LSS: variants seen among roughly 807,000 people sequenced by gnomAD.
LSS encodes 2,3-epoxysqualene-lanosterol cyclase.
Under a neutral mutation model 110.3 loss-of-function variants are expected in LSS, and 90 were observed. The ratio of observed to expected loss-of-function variants is 0.82; its 90% confidence interval spans 0.69 to 0.97. The LOEUF is 0.97. Ranked by LOEUF, LSS falls within the 50% of genes least tolerant of loss-of-function variation. The pLI is 0.00. For missense variants in LSS, 927 were observed against 990.0 expected, an observed-to-expected ratio of 0.94 and a Z score of 0.85; for synonymous variants, 433 against 400.0, an observed-to-expected ratio of 1.08 and a Z score of -0.98.
rs981047467 is a variant in LSS at position 46,216,850 on chromosome 21, G to A, written c.648-326C>T. 2.0e-5 allele frequency among the ~76,000 whole-genome samples: 3 copies of A among 152,156 alleles called. No individual in the cohort carries two copies. The highest frequency in any genetic ancestry group is 4.1e-4 in the South Asian group (2 of 4,828). Reference sequence around the variant, plus strand: ...GGTAACATAAAACATCAACAATGGGGATATGGTGTGAGGGCCCCAGGGAAC... The same window carrying A: ...GGTAACATAAAACATCAACAATGGGAATATGGTGTGAGGGCCCCAGGGAAC... On this transcript the variant is annotated intron_variant, in intron 6 of 21. Transcript: ENST00000397728. This position sits in a 1 kb window ranked among gnomAD's most constrained non-coding sequence, Gnocchi z 4.2.
chr21:46,198,177 G>A (rs949576791), intron 17 of LSS, among the ~76,000 whole-genome samples: 2 of 151,772 alleles, frequency 1.3e-5, no homozygotes, highest in Admixed American at 6.6e-5. Context: ...TGAGACAGGA[G>A]GATTCCTTAA....
chr21:46,216,591 T>C lies in LSS; in HGVS notation c.648-67A>G. 2 of 1,471,506 alleles carry C rather than the reference T, an allele frequency of 1.4e-6. No homozygotes were observed. Among genetic ancestry groups the C allele is most frequent in the Non-Finnish European group, 1.8e-6 (2 of 1,105,942 alleles). The allele number at this position is 1,471,506 out of a possible 1,614,324, so 91.2% of individuals were successfully genotyped here. The stretch of plus-strand genomic sequence containing the variant: ...AGCCTGCCCCCTCCGCCAGCATCCA[T>C]ACCTTGGGCCCTTTCAAGCACGAAC... On this transcript the variant is annotated intron_variant, in intron 6 of 21. Transcript: ENST00000397728. This position sits in a 1 kb window ranked among gnomAD's most constrained non-coding sequence, Gnocchi z 4.2.
chr21:46,212,979 A>G, intron 11 of LSS, 46 bp downstream of exon 11: 1 of 1,611,280 alleles, frequency 6.2e-7, no homozygotes, highest in Non-Finnish European at 8.5e-7. Context: ...TAAAGGGGAG[A>G]CATGATTGCA....
rs772025714 is a variant in LSS, at chr21:46,189,343, C to T, written c.*1761G>A. 8.7e-5 allele frequency: 25 copies of T among 287,288 alleles called. No individual in the cohort carries two copies. Among genetic ancestry groups the T allele is most frequent in the East Asian group, 2.2e-4 (2 of 9,182 alleles). The allele number at this position is 287,288 out of a possible 1,614,324, so 17.8% of individuals were successfully genotyped here. On this transcript the variant is annotated 3_prime_UTR_variant, in exon 22 of 22. Transcript: ENST00000397728. ...CTGCTACCCCACGTGGGGGAGAACACGTGGGCTGAGAAAAAAAAACAGCAT... is the reference window on the plus strand; with the variant it reads ...CTGCTACCCCACGTGGGGGAGAACATGTGGGCTGAGAAAAAAAAACAGCAT...
intron 17 of LSS, among the ~76,000 whole-genome samples, chr21:46,202,714 A>C (rs2079995128): frequency 6.6e-6 from 1 of 152,030 alleles, no homozygotes; most frequent in Non-Finnish European, 1.5e-5. Context: ...AAAAAATACA[A>C]AACATTTAAA....
rs1190114263 is a variant in LSS at position 46,227,709 on chromosome 21, A to C, written c.181-19T>G. 4.3e-6 allele frequency: 7 copies of C among 1,610,784 alleles called. No homozygotes were observed. Among genetic ancestry groups the C allele is most frequent in the African/African-American group, 1.3e-5 (1 of 74,832 alleles). On this transcript the variant is annotated intron_variant, in intron 2 of 21. Transcript: ENST00000397728. ...AATTCTTCTGCAAAGAGATCGAAAA[A>C]AAAAAAAAGAGATAGCTGACGGGAC...
In LSS at chr21:46,208,385, G is replaced by A. The variant is rs950105753; in HGVS notation, c.1267-84C>T. On this transcript the variant is annotated intron_variant, in intron 13 of 21. Transcript: ENST00000397728. Reference sequence around the variant, plus strand: ...ATCTGGGACATCGCTGAGACAGACTGGGCAGGACTGGAGAGGCAGAACGTG... The same window carrying A: ...ATCTGGGACATCGCTGAGACAGACTAGGCAGGACTGGAGAGGCAGAACGTG... 2.1e-5 allele frequency: 25 copies of A among 1,217,242 alleles called. No homozygotes were observed. The African/African-American group carries it at 3.3e-4, about 16-fold the overall frequency. 75.4% of individuals were successfully genotyped at this position (1,217,242 alleles called of 1,614,324 possible).
intron 17 of LSS, among the ~76,000 whole-genome samples, chr21:46,198,156 G>A (rs2079933160): frequency 6.6e-6 from 1 of 151,856 alleles, no homozygotes; most frequent in South Asian, 2.1e-4. Context: ...GGTCCTAGCT[G>A]CTCAGGAGGC....
At chr21:46,206,837 G>A (rs541432601) in intron 15 of LSS, 69 bp from the exon 16 acceptor site, 17 of 1,177,492 alleles carry the variant, frequency 1.4e-5, no homozygotes, top group South Asian at 2.4e-5. Flanking sequence ...AGGGCACAGC[G>A]GAACTCTCTA....
Position 46,194,524 on chromosome 21 carries a change from G to C in LSS, c.1955C>G (p.Thr652Arg). ...LQSAQSQIHN[T>R]CWAMMGLMAV... ...CATCAGCCCCATCATGGCCCAGCAT[G>C]TGTTATGGATCTGGGACTGGGCACT... Residue 652 changes from threonine to arginine, a missense_variant, in exon 20 of 22, where the codon ACA (threonine) becomes AGA (arginine). Transcript: ENST00000397728. The C allele has an allele frequency of 6.2e-7, 1 of 1,613,874 alleles. No individual in the cohort carries two copies. The highest frequency in any genetic ancestry group is 8.5e-7 in the Non-Finnish European group (1 of 1,180,042).
chr21:46,208,631 T>C (rs2080086510), intron 13 of LSS, among the ~76,000 whole-genome samples: 1 of 152,222 alleles, frequency 6.6e-6, no homozygotes. Flanking sequence ...GGGTGTGCTC[T>C]GTGCCAGGCG....
intron 17 of LSS, among the ~76,000 whole-genome samples, chr21:46,204,251 C>T (rs746712097): frequency 2.6e-5 from 4 of 152,212 alleles, no homozygotes; most frequent in African/African-American, 4.8e-5. Flanking sequence ...ACTGAGATCA[C>T]GCCACTGCTC....
chr21:46,192,913 A>G (rs1286905794), intron 20 of LSS: 1 of 436,262 alleles, frequency 2.3e-6, no homozygotes, highest in East Asian at 7.3e-5. Flanking sequence ...GTGTGCATAG[A>G]CCTGTATGTG....
At chr21:46,222,066 T>C in intron 4 of LSS, 91 bp from the exon 5 acceptor site, 1 of 1,480,350 alleles carries the variant, frequency 6.8e-7, no homozygotes, top group Non-Finnish European at 9.3e-7. Flanking sequence ...CTCAGAAAAC[T>C]AAGAATGCTA....
At chr21:46,206,014 CACA>C (rs761613329) in intron 16 of LSS, 73 bp from the exon 17 acceptor site, 2 of 1,177,576 alleles carry the variant, frequency 1.7e-6, no homozygotes, top group Non-Finnish European at 2.5e-6. Context: ...CAGGCAAAGC[CACA>C]ACAAGCAAGA....
intron 2 of LSS, 40 bp from the exon 3 acceptor site, chr21:46,227,730 G>A (rs762969589): frequency 2.2e-5 from 36 of 1,608,946 alleles, no homozygotes; most frequent in Admixed American, 5.0e-5. Context: ...GATAGCTGAC[G>A]GGACTGTTGC....
Position 46,222,627 on chromosome 21 carries a change from C to T in LSS, c.428+3G>A. ...GCAGTGACACAGGGGCAGGCACACT[C>T]ACAGGCCCCAGCCACCGTCAGGGAG... On this transcript the variant is annotated splice_donor_region_variant and intron_variant, in intron 4 of 21. Transcript: ENST00000397728. 6.2e-7 allele frequency: 1 copy of T among 1,611,988 alleles called. No homozygotes were observed. The highest frequency in any genetic ancestry group is 1.1e-5 in the South Asian group (1 of 91,048).
At chr21:46,197,169 A>G (rs2079920676) in intron 17 of LSS, among the ~76,000 whole-genome samples, 1 of 152,288 alleles carries the variant, frequency 6.6e-6, no homozygotes, top group African/African-American at 2.4e-5. Flanking sequence ...TAACAAATAC[A>G]AATAGTCAAA....
chr21:46,213,364 C>T (rs1289326810), intron 10 of LSS, among the ~76,000 whole-genome samples: 1 of 152,238 alleles, frequency 6.6e-6, no homozygotes, highest in Non-Finnish European at 1.5e-5. Context: ...GAGGCCTGTA[C>T]AGCGGAAGCT....
Sources: gnomAD v4.1 joint callset for allele counts (sites outside exome capture counted in the v4.1 genomes callset) on GRCh38, gnomAD v4.1.1 for gene constraint, Gnocchi (gnomAD v3.1) non-coding constraint, MANE v1.5 for transcripts, NCBI Gene and HGNC (gene_info 2026-07-23, HGNC 2026-07-21) for gene names.